Variants in DIPK1A observed in about 807,000 individuals in gnomAD.
DIPK1A encodes divergent protein kinase domain 1A.
A neutral mutation model predicts 40.8 loss-of-function variants in DIPK1A; 27 were observed. The observed-to-expected ratio is 0.66, with a 90% confidence interval of 0.49 to 0.91. The LOEUF (loss-of-function observed/expected upper bound fraction) is 0.91, where lower values mean the gene tolerates loss of function less well. Among genes scored for constraint, DIPK1A ranks in the 40% least tolerant of loss-of-function variants. The probability of loss-of-function intolerance (pLI) is 0.00; values close to 1 mark genes in which losing one functional copy is unlikely to be tolerated. For missense variants in DIPK1A, 412 were observed against 505.7 expected, an observed-to-expected ratio of 0.81 and a Z score of 1.78; for synonymous variants, 166 against 171.3, an observed-to-expected ratio of 0.97 and a Z score of 0.24.
intron 1 of DIPK1A, among the ~76,000 whole-genome samples, chr1:92,959,944 C>T (rs1652006349): frequency 4.5e-5 from 2 of 44,232 alleles, no homozygotes; most frequent in Admixed American, 3.1e-4. Flanking sequence ...TTAGTAGAGG[C>T]GGGGTTTCAC....
At position 92,842,258 on chromosome 1, in the gene DIPK1A, A is replaced by AAAGT. The variant is rs1557445516; in HGVS notation, c.*1121_*1124dup. 1.0e-6 allele frequency: 1 copy of AAAGT among 989,700 alleles called. No individual in the cohort carries two copies. Among genetic ancestry groups the AAAGT allele is most frequent in the African/African-American group, 1.7e-5 (1 of 57,290 alleles). The allele number at this position is 989,700 out of a possible 1,614,324, so 61.3% of individuals were successfully genotyped here. On this transcript the variant is annotated 3_prime_UTR_variant, in exon 5 of 5. Transcript: ENST00000370310. ...TGGTGCTAATCCATGGCGTTGAAGG[A>AAAGT]AAGTTTTGAGAGAAAGCTGTCCAGT...
intron 2 of DIPK1A, among the ~76,000 whole-genome samples, chr1:92,852,711 A>G (rs1687860662): frequency 6.6e-6 from 1 of 152,100 alleles, no homozygotes; most frequent in South Asian, 2.1e-4. Flanking sequence ...ATTATAAATG[A>G]GGGGAAAGAC....
At chr1:92,902,188 A>C (rs1051368751) in intron 1 of DIPK1A, among the ~76,000 whole-genome samples, 1 of 152,170 alleles carries the variant, frequency 6.6e-6, no homozygotes, top group African/African-American at 2.4e-5. Context: ...GTGCTGCTTC[A>C]ACTTAGGCAC....
At chr1:92,897,969 T>C (rs1011294555) in intron 1 of DIPK1A, among the ~76,000 whole-genome samples, 36 of 152,204 alleles carry the variant, frequency 2.4e-4, no homozygotes, top group African/African-American at 8.4e-4. Context: ...CGTGGTGGCG[T>C]GCACCTATAG....
intron 1 of DIPK1A, among the ~76,000 whole-genome samples, chr1:92,901,669 C>G (rs1177798001): frequency 6.6e-6 from 1 of 152,054 alleles, no homozygotes; most frequent in Non-Finnish European, 1.5e-5. Flanking sequence ...ACTGTATACC[C>G]TGAGATGGTG....
chr1:92,948,097 C>T (rs752339415), intron 1 of DIPK1A, among the ~76,000 whole-genome samples: 34 of 152,166 alleles, frequency 2.2e-4, no homozygotes, highest in Admixed American at 2.0e-4. Context: ...AGGGGATAGA[C>T]GTGCTAATTA....
chr1:92,873,708 T>C (rs1647985267), intron 2 of DIPK1A, among the ~76,000 whole-genome samples: 1 of 152,156 alleles, frequency 6.6e-6, no homozygotes, highest in Non-Finnish European at 1.5e-5. Flanking sequence ...AAATATACTT[T>C]TAAAGAAGTT....
intron 4 of DIPK1A, among the ~76,000 whole-genome samples, chr1:92,846,813 A>ATATATATATGTGTG (rs1687623393): frequency 8.2e-4 from 3 of 3,650 alleles, no homozygotes; most frequent in East Asian, 9.1e-3. Context: ...ATATATATAT[A>ATATATATATGTGTG]TATATATATA....
Position 92,911,285 on chromosome 1 carries a change from C to T in DIPK1A, c.55-34855G>A, listed in dbSNP as rs115862934. ...TATAACAGAGGCCCCAGAAAGCTGT[C>T]TTGTTCCTTCCACCCTGTGGGAACA... On this transcript the variant is annotated intron_variant, in intron 1 of 4. Coordinates refer to ENST00000370310, the MANE Select transcript of DIPK1A (RefSeq NM_001006605.5). Among the ~76,000 whole-genome samples, 350 of 152,326 alleles carry T rather than the reference C, an allele frequency of 2.3e-3. 2 individuals are homozygous for T. Among genetic ancestry groups the T allele is most frequent in the African/African-American group, 8.1e-3 (338 of 41,576 alleles).
intron 4 of DIPK1A, among the ~76,000 whole-genome samples, chr1:92,835,538 T>C (rs1687085274): frequency 6.6e-6 from 1 of 151,230 alleles, no homozygotes; most frequent in South Asian, 2.1e-4. Context: ...TGTGTGTCTG[T>C]AGTCCCAACT....
chr1:92,940,089 C>T (rs1296174830), intron 1 of DIPK1A, among the ~76,000 whole-genome samples: 3 of 152,124 alleles, frequency 2.0e-5, no homozygotes, highest in Non-Finnish European at 4.4e-5. Context: ...GGGACAGCAT[C>T]ATCAAGCATA....
At chr1:92,943,413 C>A (rs1284173953) in intron 1 of DIPK1A, among the ~76,000 whole-genome samples, 1 of 152,030 alleles carries the variant, frequency 6.6e-6, no homozygotes, top group Non-Finnish European at 1.5e-5. Flanking sequence ...GCTCTGGGCT[C>A]CGAGCCAACA....
intron 1 of DIPK1A, among the ~76,000 whole-genome samples, chr1:92,936,994 C>T (rs17380908): frequency 0.35 from 53,194 of 152,048 alleles, 9,757 homozygotes; most frequent in African/African-American, 0.38. Context: ...GTCCCTGTAC[C>T]CACTAGCTAC....
chr1:92,948,808 TA>T (rs201751883), intron 1 of DIPK1A, among the ~76,000 whole-genome samples: 3,874 of 147,994 alleles, frequency 0.026, 156 homozygotes, highest in African/African-American at 0.087. Flanking sequence ...TATATATATA[TA>T]TTTTTCCCCC....
chr1:92,869,980 C>T (rs530557481), intron 2 of DIPK1A, among the ~76,000 whole-genome samples: 146 of 151,086 alleles, frequency 9.7e-4, no homozygotes, highest in African/African-American at 3.4e-3. Context: ...ATGGGAGAAG[C>T]CAATTTAAAA....
At chr1:92,956,598 A>C (rs756177858) in intron 1 of DIPK1A, among the ~76,000 whole-genome samples, 32 of 152,228 alleles carry the variant, frequency 2.1e-4, no homozygotes, top group Admixed American at 7.8e-4. Context: ...TTTTTACTAC[A>C]GTATTTGGCA....
intron 1 of DIPK1A, among the ~76,000 whole-genome samples, chr1:92,958,639 G>C (rs1403298962): frequency 6.6e-6 from 1 of 152,166 alleles, no homozygotes; most frequent in African/African-American, 2.4e-5. Flanking sequence ...CACAGGAAAA[G>C]TTACTTAAAC....
intron 1 of DIPK1A, chr1:92,877,002 A>C (rs940921757): frequency 7.1e-6 from 7 of 985,378 alleles, no homozygotes; most frequent in Non-Finnish European, 8.4e-6. Flanking sequence ...CAAATGTTTC[A>C]CCGAATAGAT....
chr1:92,882,411 C>T (rs1648420301), intron 1 of DIPK1A, among the ~76,000 whole-genome samples: 1 of 151,996 alleles, frequency 6.6e-6, no homozygotes. Flanking sequence ...AAATAAAACC[C>T]CCAGAATTTT....
Sources: gnomAD v4.1 joint callset for allele counts (sites outside exome capture counted in the v4.1 genomes callset) on GRCh38, gnomAD v4.1.1 for gene constraint, MANE v1.5 for transcripts, NCBI Gene and HGNC (gene_info 2026-07-23, HGNC 2026-07-21) for gene names.